Variants in DNAH14 observed in about 807,000 individuals in gnomAD.
DNAH14 encodes axonemal beta dynein heavy chain 14.
Under a neutral mutation model 520.9 loss-of-function variants are expected in DNAH14, and 478 were observed. That is an observed-to-expected ratio of 0.92 (90% CI 0.85 to 0.99). DNAH14 has a LOEUF of 0.99. DNAH14 is among the 50% of genes least tolerant of loss of function. DNAH14 has a pLI of 0.00. For synonymous variants in DNAH14, 1,581 were observed against 1,757.2 expected (o/e 0.90, Z 2.51); for missense variants, 4,831 against 5,234.5 (o/e 0.92, Z 2.38).
intron 20 of DNAH14, among the ~76,000 whole-genome samples, chr1:225,083,333 A>G (rs2073359373): frequency 6.6e-6 from 1 of 152,056 alleles, no homozygotes; most frequent in Admixed American, 6.6e-5. Flanking sequence ...TTTTATACCT[A>G]TAATTCTCTG....
At chr1:225,301,052 T>G in intron 56 of DNAH14, 22 bp downstream of exon 56, 4 of 1,540,594 alleles carry the variant, frequency 2.6e-6, no homozygotes, top group Non-Finnish European at 3.5e-6. Flanking sequence ...TGACTTGGCT[T>G]TATCAAATTG....
At chr1:225,259,606 A>G (rs1054321103) in intron 46 of DNAH14, among the ~76,000 whole-genome samples, 4 of 152,200 alleles carry the variant, frequency 2.6e-5, no homozygotes, top group African/African-American at 9.6e-5. Flanking sequence ...ATTTTGAAAT[A>G]TACAACACAT....
chr1:225,078,299 G>A (rs977679487), intron 17 of DNAH14, among the ~76,000 whole-genome samples: 1 of 152,200 alleles, frequency 6.6e-6, no homozygotes, highest in East Asian at 1.9e-4. Context: ...TACCTAATTA[G>A]CAAATATACT....
In DNAH14 at chr1:225,322,647, T is replaced by G; in HGVS notation, c.9336-17T>G. 7.0e-7 allele frequency: 1 copy of G among 1,436,358 alleles called. No individual in the cohort carries two copies. The highest frequency in any genetic ancestry group is 9.3e-7 in the Non-Finnish European group (1 of 1,078,432). The allele number at this position is 1,436,358 out of a possible 1,614,324, so 89.0% of individuals were successfully genotyped here. A position where few individuals can be genotyped will look rare whatever the true frequency, so the allele number is the denominator to read the frequency against. On this transcript the variant is annotated splice_polypyrimidine_tract_variant and intron_variant, in intron 61 of 85. Transcript: ENST00000682510. ...TTTTAATTGTGAAGTTGATGAGATTTTCATCATCTATTACAGAGTATACAC... is the reference window on the plus strand; with the variant it reads ...TTTTAATTGTGAAGTTGATGAGATTGTCATCATCTATTACAGAGTATACAC...
intron 28 of DNAH14, 115 bp downstream of exon 28, chr1:225,141,136 A>G (rs2079418193): frequency 1.9e-6 from 2 of 1,042,912 alleles, no homozygotes; most frequent in East Asian, 2.6e-5. Context: ...TGGGGGCTTT[A>G]CCAAAATTCT....
At chr1:225,001,487 TTA>T (rs1393653064) in intron 8 of DNAH14, among the ~76,000 whole-genome samples, 3 of 152,164 alleles carry the variant, frequency 2.0e-5, no homozygotes, top group Non-Finnish European at 4.4e-5. Context: ...GGTGAATTCC[TTA>T]TAATACTTAT....
intron 38 of DNAH14, among the ~76,000 whole-genome samples, chr1:225,203,029 G>C (rs919439821): frequency 6.6e-6 from 1 of 152,178 alleles, no homozygotes; most frequent in Non-Finnish European, 1.5e-5. Flanking sequence ...CACTTCCACA[G>C]TTTGGACACT....
chr1:225,128,146 T>C (rs1039808103), intron 27 of DNAH14, among the ~76,000 whole-genome samples: 1 of 152,192 alleles, frequency 6.6e-6, no homozygotes, highest in Non-Finnish European at 1.5e-5. Flanking sequence ...TTAACATTTT[T>C]TCCTTCATTT....
At chr1:225,115,325 C>T (rs188777080) in intron 23 of DNAH14, among the ~76,000 whole-genome samples, 98 of 152,218 alleles carry the variant, frequency 6.4e-4, no homozygotes, top group African/African-American at 2.3e-3. Flanking sequence ...TTGATAAATT[C>T]TGCAAAAGTT....
chr1:225,357,667 T>C, intron 73 of DNAH14: 1 of 551,372 alleles, frequency 1.8e-6, no homozygotes, highest in Admixed American at 3.2e-5. Context: ...GAATTCAGCA[T>C]AATGATTAAA....
At chr1:225,327,537 C>A (rs1188828576) in intron 64 of DNAH14, among the ~76,000 whole-genome samples, 1 of 151,996 alleles carries the variant, frequency 6.6e-6, no homozygotes, top group Non-Finnish European at 1.5e-5. Flanking sequence ...AGAGACAAAT[C>A]AAATGCAACA....
intron 22 of DNAH14, among the ~76,000 whole-genome samples, chr1:225,100,015 A>G (rs1030005646): frequency 6.6e-6 from 1 of 152,184 alleles, no homozygotes; most frequent in Non-Finnish European, 1.5e-5. Context: ...ATGCAACTGT[A>G]TAATTATAGA....
At chr1:225,176,940 C>T (rs774833238) in intron 36 of DNAH14, among the ~76,000 whole-genome samples, 6 of 152,048 alleles carry the variant, frequency 3.9e-5, no homozygotes, top group South Asian at 2.1e-4. Flanking sequence ...AAAAGATACC[C>T]GAAAATGCAG....
rs115516713 is a variant in DNAH14, at chr1:225,124,585, C to T, written c.4254+971C>T. On this transcript the variant is annotated intron_variant, in intron 27 of 85. Coordinates refer to ENST00000682510, the MANE Select transcript of DNAH14 (RefSeq NM_001367479.1). ...TTTTTCATGAGATTGCAGCAAATTC[C>T]GTCACATCTTCAGGCTCCACTTTTA... Among the ~76,000 whole-genome samples, 761 of 152,264 alleles carry T rather than the reference C, an allele frequency of 5.0e-3. 6 individuals carry two copies. The highest frequency in any genetic ancestry group is 0.017 in the African/African-American group (718 of 41,562).
At chr1:225,398,457 G>T in intron 84 of DNAH14, 63 bp from the exon 85 acceptor site, 1 of 1,531,692 alleles carries the variant, frequency 6.5e-7, no homozygotes, top group Non-Finnish European at 8.8e-7. Context: ...AATTCCGGAC[G>T]GAGCCTCCAG....
chr1:225,082,544 T>TA lies in DNAH14; in HGVS notation c.3137-4dup, dbSNP rs1486180173. 1.3e-6 allele frequency: 2 copies of TA among 1,535,548 alleles called. No individual in the cohort carries two copies. Among genetic ancestry groups the TA allele is most frequent in the South Asian group, 1.2e-5 (1 of 80,528 alleles). On this transcript the variant is annotated splice_polypyrimidine_tract_variant and splice_region_variant and intron_variant, in intron 19 of 85. Coordinates refer to ENST00000682510, the MANE Select transcript of DNAH14 (RefSeq NM_001367479.1). ...ATAAGCCTACTGACCCATTGTTATT[T>TA]ATAGGTTTACCTAAAAGCGATATGG... is the stretch of plus-strand genomic sequence containing the variant.
intron 35 of DNAH14, among the ~76,000 whole-genome samples, chr1:225,166,974 C>T (rs2082096167): frequency 6.6e-6 from 1 of 152,196 alleles, no homozygotes; most frequent in African/African-American, 2.4e-5. Context: ...ACGATCTGTG[C>T]ATACAATGCT....
intron 36 of DNAH14, among the ~76,000 whole-genome samples, chr1:225,180,496 C>A (rs2083855217): frequency 6.6e-6 from 1 of 152,156 alleles, no homozygotes; most frequent in African/African-American, 2.4e-5. Flanking sequence ...TGAAAGGGAG[C>A]TGCCATGTGT....
intron 60 of DNAH14, among the ~76,000 whole-genome samples, chr1:225,315,286 A>G (rs1240281575): frequency 2.6e-5 from 4 of 151,820 alleles, no homozygotes. Context: ...TTTCAGCTCC[A>G]TCAGGTCATT....
Sources: allele counts gnomAD v4.1 joint callset (sites outside exome capture counted in the v4.1 genomes callset), GRCh38; gene constraint gnomAD v4.1.1; transcripts MANE v1.5; gene names NCBI Gene and HGNC (gene_info 2026-07-23, HGNC 2026-07-21).